Variants in GRIK3 observed in about 807,000 individuals in gnomAD.
GRIK3 encodes glutamate ionotropic receptor kainate type subunit 3, also known as glutamate receptor ionotropic, kainate 3.
GRIK3 carries 29 observed loss-of-function variants against 102.5 expected under a neutral mutation model. The ratio of observed to expected loss-of-function variants is 0.28; its 90% CI spans 0.21 to 0.39. The LOEUF (loss-of-function observed/expected upper bound fraction) is 0.39, where lower values mean the gene tolerates loss of function less well. GRIK3 is among the 10% of genes least tolerant of loss of function. The pLI, the probability that GRIK3 is intolerant of heterozygous loss-of-function variation, is 1.00. For missense variants in GRIK3, 908 were observed against 1,252.4 expected (o/e 0.73, Z 4.15); for synonymous variants, 511 against 504.9 (o/e 1.01, Z -0.16).
intron 1 of GRIK3, among the ~76,000 whole-genome samples, chr1:37,022,737 A>C (rs1305889254): frequency 2.6e-5 from 4 of 152,244 alleles, no homozygotes; most frequent in Non-Finnish European, 5.9e-5. Flanking sequence ...GTGGACTTAC[A>C]TTCAAATGAC....
Position 36,880,066 on chromosome 1 carries a change from T to C in GRIK3, c.550+568A>G, listed in dbSNP as rs1200878554. On this transcript the variant is annotated intron_variant, in intron 3 of 15. Transcript: ENST00000373091. This position sits in a 1 kb window ranked among gnomAD's most constrained non-coding sequence, Gnocchi z 5.4. Reference sequence around the variant, plus strand: ...ACCAACCTTCAGCGCTCACTGCATGTCAGTGCTTGTCACTGTCATCTTGTA... The same window carrying C: ...ACCAACCTTCAGCGCTCACTGCATGCCAGTGCTTGTCACTGTCATCTTGTA... Among the ~76,000 whole-genome samples the C allele has an allele frequency of 1.3e-5, 2 of 151,902 alleles. No individual in the cohort carries two copies. Among genetic ancestry groups the C allele is most frequent in the African/African-American group, 4.9e-5 (2 of 41,158 alleles).
chr1:36,968,413 A>C (rs996281049), intron 1 of GRIK3, among the ~76,000 whole-genome samples: 1 of 152,156 alleles, frequency 6.6e-6, no homozygotes, highest in Non-Finnish European at 1.5e-5. Flanking sequence ...CATTCCCATA[A>C]GGCAGGTCAG....
intron 9 of GRIK3, among the ~76,000 whole-genome samples, chr1:36,846,592 C>A (rs569885058): frequency 4.6e-5 from 7 of 152,320 alleles, no homozygotes; most frequent in East Asian, 1.9e-4. Flanking sequence ...CCCAGACAGG[C>A]TGGGGCTGTG....
At chr1:36,935,794 C>G (rs1037560621) in intron 1 of GRIK3, among the ~76,000 whole-genome samples, 2 of 152,150 alleles carry the variant, frequency 1.3e-5, no homozygotes, top group African/African-American at 4.8e-5. Context: ...CTCAAAGAAT[C>G]GGAAAACTCA....
Position 36,890,512 on chromosome 1 carries a change from T to C in GRIK3, c.292+408A>G, listed in dbSNP as rs529991617. On this transcript the variant is annotated intron_variant, in intron 2 of 15. Coordinates refer to ENST00000373091, the MANE Select transcript of GRIK3 (RefSeq NM_000831.4). Reference sequence around the variant, plus strand: ...TAACTGCTCTCGATATCAGGGACTCTGACTGCCAGAATACAAGGCAAGGAG... The same window carrying C: ...TAACTGCTCTCGATATCAGGGACTCCGACTGCCAGAATACAAGGCAAGGAG... Among the ~76,000 whole-genome samples, 150 of 151,524 alleles carry C rather than the reference T, an allele frequency of 9.9e-4. 1 individual carries two copies. Among genetic ancestry groups the C allele is most frequent in the African/African-American group, 3.4e-3 (142 of 41,168 alleles).
At chr1:36,892,057 C>T (rs765200062) in intron 1 of GRIK3, among the ~76,000 whole-genome samples, 2 of 152,128 alleles carry the variant, frequency 1.3e-5, no homozygotes, top group Admixed American at 6.6e-5. Flanking sequence ...TCACTCTTGT[C>T]GCTCAGGCTG....
intron 5 of GRIK3, among the ~76,000 whole-genome samples, chr1:36,860,592 G>A (rs1233227426): frequency 1.3e-5 from 2 of 152,200 alleles, no homozygotes; most frequent in African/African-American, 2.4e-5. Context: ...GTCTGTCGTG[G>A]GCCAGGCAGG....
intron 13 of GRIK3, among the ~76,000 whole-genome samples, chr1:36,812,842 A>G (rs144659318): frequency 9.1e-4 from 138 of 152,228 alleles, no homozygotes; most frequent in African/African-American, 3.2e-3. Context: ...TCTGTCCTGC[A>G]CTCTGGACCT....
intron 3 of GRIK3, among the ~76,000 whole-genome samples, chr1:36,875,548 T>C (rs576235655): frequency 6.6e-6 from 1 of 152,340 alleles, no homozygotes; most frequent in Admixed American, 6.5e-5. Context: ...GAATTGTACA[T>C]TGGGTTTGCT....
At chr1:36,960,250 G>A (rs995614769) in intron 1 of GRIK3, among the ~76,000 whole-genome samples, 9 of 149,118 alleles carry the variant, frequency 6.0e-5, no homozygotes, top group Middle Eastern at 3.6e-3. Context: ...ATGAGTCTGT[G>A]TGCCCTGTGA....
At chr1:36,943,461 T>C (rs1426541274) in intron 1 of GRIK3, among the ~76,000 whole-genome samples, 1 of 152,098 alleles carries the variant, frequency 6.6e-6, no homozygotes, top group Non-Finnish European at 1.5e-5. Flanking sequence ...CTCTACACAA[T>C]GGAAATTACA....
intron 10 of GRIK3, among the ~76,000 whole-genome samples, chr1:36,832,247 G>A (rs934315143): frequency 6.6e-6 from 1 of 152,214 alleles, no homozygotes; most frequent in East Asian, 1.9e-4. Flanking sequence ...GTGCCCCATG[G>A]CTGGCACAGT....
intron 11 of GRIK3, among the ~76,000 whole-genome samples, chr1:36,823,472 C>CAAAAAAAAA (rs71053954): frequency 1.8e-4 from 7 of 38,096 alleles, no homozygotes; most frequent in African/African-American, 5.1e-4. Flanking sequence ...GACTCCGTCT[C>CAAAAAAAAA]AAAAAAAAAA....
Position 36,859,252 on chromosome 1 carries a change from C to T in GRIK3, c.961-1G>A. On this transcript the variant is annotated splice_acceptor_variant, in intron 6 of 15. Transcript: ENST00000373091. LOFTEE classifies it high-confidence loss of function. ...CGTCGTACAGTAAGGCTGCATCAGT[C>T]TGCAGGGAAGGGCCTGCCTGAGAGC... 6.2e-7 allele frequency: 1 copy of T among 1,604,646 alleles called. No individual in the cohort carries two copies. The highest frequency in any genetic ancestry group is 8.5e-7 in the Non-Finnish European group (1 of 1,173,044).
At chr1:36,949,498 C>T (rs189530613) in intron 1 of GRIK3, among the ~76,000 whole-genome samples, 2 of 151,516 alleles carry the variant, frequency 1.3e-5, no homozygotes, top group Admixed American at 1.3e-4. Flanking sequence ...GCAATAATAA[C>T]ATCTTTATTG....
chr1:36,881,311 G>C (rs942381656), intron 2 of GRIK3, among the ~76,000 whole-genome samples: 1 of 152,202 alleles, frequency 6.6e-6, no homozygotes, highest in East Asian at 1.9e-4. Flanking sequence ...AGCCCGGCCT[G>C]TTCCCTACCC....
chr1:36,903,936 C>A (rs1361992381), intron 1 of GRIK3, among the ~76,000 whole-genome samples: 1 of 151,988 alleles, frequency 6.6e-6, no homozygotes, highest in Non-Finnish European at 1.5e-5. Flanking sequence ...TGTACACCAC[C>A]AAGAATGAAC....
Position 36,890,978 on chromosome 1 carries a change from G to C in GRIK3, c.234C>G (p.Thr78=). The change falls in exon 2 of 16, where the codon ACC becomes ACG. Residue 78 remains threonine, a synonymous_variant. Transcript: ENST00000373091. Reference sequence around the variant, plus strand: ...GAATCCTCTGTATGTCATAGGTCAAGGTTGTGTTGGGCAGCAGAGTCCTGT... The same window carrying C: ...GAATCCTCTGTATGTCATAGGTCAACGTTGTGTTGGGCAGCAGAGTCCTGT... ...NRNRTLLPNT[T]LTYDIQRIHF... 1 of 1,614,052 alleles carries C rather than the reference G, an allele frequency of 6.2e-7. No individual in the cohort carries two copies. Among genetic ancestry groups the C allele is most frequent in the Non-Finnish European group, 8.5e-7 (1 of 1,179,928 alleles).
At chr1:36,971,235 C>T (rs1642136378) in intron 1 of GRIK3, among the ~76,000 whole-genome samples, 1 of 152,194 alleles carries the variant, frequency 6.6e-6, no homozygotes, top group African/African-American at 2.4e-5. Context: ...GCCTCATCAT[C>T]CTTCTGACTC....
Sources: gnomAD v4.1 joint callset for allele counts (sites outside exome capture counted in the v4.1 genomes callset) on GRCh38, gnomAD v4.1.1 for gene constraint, Gnocchi (gnomAD v3.1) non-coding constraint, MANE v1.5 for transcripts, NCBI Gene and HGNC (gene_info 2026-07-23, HGNC 2026-07-21) for gene names.